Variants in CAMSAP1 observed in about 807,000 individuals in gnomAD.
The protein encoded by CAMSAP1 is calmodulin-regulated spectrin-associated protein 1.
CAMSAP1 carries 58 observed loss-of-function variants against 143.5 expected under a neutral mutation model. That is an observed-to-expected ratio of 0.40 (90% CI 0.33 to 0.50). CAMSAP1 has a LOEUF of 0.50. CAMSAP1 is among the 20% of genes least tolerant of loss of function. The probability of loss-of-function intolerance (pLI) is 0.45; values close to 1 mark genes in which losing one functional copy is unlikely to be tolerated. For synonymous variants in CAMSAP1, 945 were observed against 859.3 expected (o/e 1.10, Z -1.74); for missense variants, 1,969 against 2,115.7 (o/e 0.93, Z 1.36).
Position 135,850,255 on chromosome 9 carries a change from C to G in CAMSAP1, c.949-22G>C, listed in dbSNP as rs376168989. On this transcript the variant is annotated intron_variant, in intron 6 of 16. Coordinates refer to ENST00000389532, the MANE Select transcript of CAMSAP1 (RefSeq NM_015447.4). ...TCGGCTAAAAGACAAAAACAAAAAACCAAAGTATGATAAGCAGTTTATTCA... is the reference window on the plus strand; with the variant it reads ...TCGGCTAAAAGACAAAAACAAAAAAGCAAAGTATGATAAGCAGTTTATTCA... 3 of 1,612,718 alleles carry G rather than the reference C, an allele frequency of 1.9e-6. No homozygotes were observed. The Admixed American group carries it at 5.0e-5, about 27-fold the overall frequency.
At position 135,821,396 on chromosome 9, in the gene CAMSAP1, T is replaced by G; in HGVS notation, c.3265A>C (p.Lys1089Gln). ...LSPTGVAGHRKAPRLGQGRNS... is the reference protein window; with the variant it reads ...LSPTGVAGHRQAPRLGQGRNS... Reference sequence around the variant, plus strand: ...CGGCCTTGACCCAGCCGGGGGGCTTTGCGGTGGCCAGCCACGCCCGTGGGA... The same window carrying G: ...CGGCCTTGACCCAGCCGGGGGGCTTGGCGGTGGCCAGCCACGCCCGTGGGA... Residue 1089 changes from lysine to glutamine, a missense_variant, in exon 11 of 17, where the codon AAA becomes CAA. Around this residue, in one of 4 missense-constraint regions of CAMSAP1, gnomAD observed 1,390 missense variants for 1,420.8 expected, o/e 0.98. Coordinates refer to ENST00000389532, the MANE Select transcript of CAMSAP1 (RefSeq NM_015447.4). The surrounding 1 kb of genome is among the most constrained non-coding windows in gnomAD (Gnocchi z 4.6). 1 of 1,613,918 alleles carries G rather than the reference T, an allele frequency of 6.2e-7. No individual in the cohort carries two copies. The highest frequency in any genetic ancestry group is 1.1e-5 in the South Asian group (1 of 91,072).
chr9:135,894,219 C>A (rs1479375793), intron 1 of CAMSAP1, among the ~76,000 whole-genome samples: 4 of 152,106 alleles, frequency 2.6e-5, no homozygotes, highest in African/African-American at 7.2e-5. Flanking sequence ...CCTGAGACAC[C>A]CCTCCCACAA....
At chr9:135,817,013 G>A (rs546794726) in intron 14 of CAMSAP1, among the ~76,000 whole-genome samples, 38 of 152,244 alleles carry the variant, frequency 2.5e-4, no homozygotes, top group African/African-American at 8.2e-4. Flanking sequence ...AATCAGCAGC[G>A]CGAGGCCTCA....
At chr9:135,873,244 G>A (rs1204940129) in intron 3 of CAMSAP1, among the ~76,000 whole-genome samples, 3 of 152,030 alleles carry the variant, frequency 2.0e-5, no homozygotes, top group African/African-American at 4.8e-5. Context: ...GAGAAAACAA[G>A]AATCCACAGG....
At chr9:135,838,006 G>A in intron 7 of CAMSAP1, among the ~76,000 whole-genome samples, 1 of 141,586 alleles carries the variant, frequency 7.1e-6, no homozygotes, top group Non-Finnish European at 1.5e-5. Context: ...CCCTTCTACA[G>A]ACACACGTCA....
chr9:135,822,584 G>C lies in CAMSAP1; in HGVS notation c.2077C>G (p.Gln693Glu). The C allele has an allele frequency of 1.2e-6, 2 of 1,613,520 alleles. No homozygotes were observed. The highest frequency in any genetic ancestry group is 1.7e-6 in the Non-Finnish European group (2 of 1,179,806). ...AAGAAGCCATCCGTGGATGGTCCCT[G>C]GGGGAACGGATCGAATCCGCCAAGG... ...LALGGFDPFP[Q>E]GPSTDGFFLH... The change falls in exon 11 of 17, where the codon CAG becomes GAG. Residue 693 changes from glutamine (Q) to glutamate (E), a missense_variant. This residue lies in a region of CAMSAP1 where 1,390 missense variants were observed against 1,420.8 expected (regional missense o/e 0.98). Transcript: ENST00000389532. This position sits in a 1 kb window ranked among gnomAD's most constrained non-coding sequence, Gnocchi z 6.1.
intron 3 of CAMSAP1, among the ~76,000 whole-genome samples, chr9:135,870,505 C>T (rs1349394794): frequency 6.6e-6 from 1 of 152,140 alleles, no homozygotes; most frequent in Non-Finnish European, 1.5e-5. Context: ...TTAAAAACTA[C>T]TGACTAGGCC....
intron 4 of CAMSAP1, 183 bp downstream of exon 4, chr9:135,866,273 G>C: frequency 1.8e-6 from 1 of 547,438 alleles, no homozygotes; most frequent in East Asian, 3.0e-5. Flanking sequence ...GGCGGGGCAG[G>C]CTGCCGTGGT....
At chr9:135,814,009 C>G (rs1005770245) in intron 16 of CAMSAP1, among the ~76,000 whole-genome samples, 2 of 152,212 alleles carry the variant, frequency 1.3e-5, no homozygotes, top group East Asian at 3.9e-4. Flanking sequence ...TGGAATAAAT[C>G]TAAGCCCTGG....
At position 135,882,914 on chromosome 9, in the gene CAMSAP1, A is replaced by G; in HGVS notation, c.325T>C (p.Ser109Pro). The G allele has an allele frequency of 6.4e-7, 1 of 1,551,712 alleles. No individual in the cohort carries two copies. The highest frequency in any genetic ancestry group is 8.7e-7 in the Non-Finnish European group (1 of 1,146,986). The part of the protein sequence containing the change: ...DQVAALQGHQ[S>P]VIQALSRKGI... The stretch of plus-strand genomic sequence containing the variant: ...TTCCGGGACAGGGCCTGGATGACAG[A>G]CTGGTGTCCCTGTAAGGCGGCCACC... The change falls in exon 2 of 17, where the codon TCT becomes CCT. Residue 109 changes from serine (S) to proline (P), a missense_variant. Around this residue, in one of 4 missense-constraint regions of CAMSAP1, gnomAD observed 215 missense variants for 196.2 expected, o/e 1.10. Transcript: ENST00000389532. The surrounding 1 kb of genome is among the most constrained non-coding windows in gnomAD (Gnocchi z 4.9).
intron 4 of CAMSAP1, chr9:135,865,422 G>T (rs1001284709): frequency 6.6e-7 from 1 of 1,510,564 alleles, no homozygotes; most frequent in Non-Finnish European, 9.0e-7. Flanking sequence ...GCAGGTCCAC[G>T]TGTGGACGAG....
intron 7 of CAMSAP1, among the ~76,000 whole-genome samples, chr9:135,847,370 A>AT (rs1256871358): frequency 6.6e-6 from 1 of 152,026 alleles, no homozygotes; most frequent in African/African-American, 2.4e-5. Context: ...AAATAATAAA[A>AT]TAAAAAAAAG....
intron 1 of CAMSAP1, among the ~76,000 whole-genome samples, chr9:135,884,570 C>T (rs1838064639): frequency 6.6e-6 from 1 of 152,220 alleles, no homozygotes; most frequent in Admixed American, 6.5e-5. Context: ...AACCCAAGGG[C>T]AGCCAGGGCT....
intron 16 of CAMSAP1, among the ~76,000 whole-genome samples, chr9:135,812,192 A>G (rs185424605): frequency 5.3e-5 from 8 of 152,316 alleles, no homozygotes; most frequent in Non-Finnish European, 1.0e-4. Context: ...AGAAACGAAA[A>G]TATCACATGT....
rs186340393 is a variant in CAMSAP1 at position 135,854,200 on chromosome 9, G to A, written c.809-3739C>T. Among the ~76,000 whole-genome samples, 8 of 152,266 alleles carry A rather than the reference G, an allele frequency of 5.3e-5. No individual in the cohort carries two copies. In the East Asian group the frequency reaches 7.7e-4, roughly 15 times the overall value. On this transcript the variant is annotated intron_variant, in intron 5 of 16. Coordinates refer to ENST00000389532, the MANE Select transcript of CAMSAP1 (RefSeq NM_015447.4). The stretch of plus-strand genomic sequence containing the variant: ...GATGTATGTGTTGACTCCTGAGTCC[G>A]TTTCCTTTGTAGTTATGGGTCTATT...
rs1417914545 is a variant in CAMSAP1 at position 135,821,922 on chromosome 9, AGCCTTGCCGAGCTTCAGGCGCT to A, written c.2717_2738del (p.Gln906LeufsTer7). 3.7e-6 allele frequency: 6 copies of A among 1,613,398 alleles called. No individual in the cohort carries two copies. Among genetic ancestry groups the A allele is most frequent in the Non-Finnish European group, 5.1e-6 (6 of 1,179,716 alleles). ...CCTTCTTCACCACATGCAGGAATGC[AGCCTTGCCGAGCTTCAGGCGCT>A]GCCTTGCCGACAGCGCCTCCATCTT... On this transcript the variant is annotated frameshift_variant, in exon 11 of 17. Transcript: ENST00000389532. LOFTEE classifies it high-confidence loss of function. This position sits in a 1 kb window ranked among gnomAD's most constrained non-coding sequence, Gnocchi z 4.6.
At chr9:135,872,737 G>A (rs549998483) in intron 3 of CAMSAP1, among the ~76,000 whole-genome samples, 2 of 152,326 alleles carry the variant, frequency 1.3e-5, no homozygotes, top group East Asian at 3.9e-4. Context: ...AGACTTCTGG[G>A]ACAAGGATTA....
Position 135,822,910 on chromosome 9 carries a change from T to A in CAMSAP1, c.1751A>T (p.Glu584Val). Residue 584 changes from glutamate to valine, a missense_variant, in exon 11 of 17, where the codon GAA becomes GTA. Physicochemically the swap from Glu to Val is moderately radical, Grantham distance 121 (BLOSUM62 -2). Around this residue, in one of 4 missense-constraint regions of CAMSAP1, gnomAD observed 1,390 missense variants for 1,420.8 expected, o/e 0.98. Transcript: ENST00000389532. The surrounding 1 kb of genome is among the most constrained non-coding windows in gnomAD (Gnocchi z 6.1). ...RSPQGQLDTS[E>V]SKPDSFFLEP... The stretch of plus-strand genomic sequence containing the variant: ...CAAGAAAAAACTGTCAGGCTTACTT[T>A]CCGAGGTGTCCAGCTGTCCTTGGGG... The A allele has an allele frequency of 6.2e-7, 1 of 1,613,886 alleles. No individual in the cohort carries two copies. Among genetic ancestry groups the A allele is most frequent in the Non-Finnish European group, 8.5e-7 (1 of 1,179,874 alleles).
At position 135,907,151 on chromosome 9, in the gene CAMSAP1, G is replaced by C. The variant is rs956089289; in HGVS notation, c.9C>G (p.Asp3Glu). The C allele has an allele frequency of 4.0e-5, 44 of 1,104,970 alleles. No homozygotes were observed. Among genetic ancestry groups the C allele is most frequent in the Non-Finnish European group, 4.9e-5 (44 of 905,002 alleles). The allele number at this position is 1,104,970 out of a possible 1,614,324, so 68.4% of individuals were successfully genotyped here. The change falls in exon 1 of 17, where the codon GAC (aspartate) becomes GAG (glutamate). Residue 3 changes from aspartate to glutamate, a missense_variant. Physicochemically the swap from Asp to Glu is conservative, Grantham distance 45 (BLOSUM62 2). Around this residue, in one of 4 missense-constraint regions of CAMSAP1, gnomAD observed 215 missense variants for 196.2 expected, o/e 1.10. Coordinates refer to ENST00000389532, the MANE Select transcript of CAMSAP1 (RefSeq NM_015447.4). The stretch of plus-strand genomic sequence containing the variant: ...CCTCGGCGGCGGCGCGGCCGCTCGC[G>C]TCCACCATCTGCAGACAAAGGGCTG... MV[D>E]ASGRAAAEGW... is the part of the protein sequence containing the mutation.
Sources: gnomAD v4.1 joint callset for allele counts (sites outside exome capture counted in the v4.1 genomes callset) on GRCh38, gnomAD v4.1.1 for gene constraint, gnomAD v4.1.1 regional missense constraint, Gnocchi (gnomAD v3.1) non-coding constraint, MANE v1.5 for transcripts, NCBI Gene and HGNC (gene_info 2026-07-23, HGNC 2026-07-21) for gene names.